RBM48: variants seen among roughly 807,000 people sequenced by gnomAD.
RBM48 encodes RNA binding motif protein 48.
Under a neutral mutation model 34.8 loss-of-function variants are expected in RBM48, and 32 were observed. That is an observed-to-expected ratio of 0.92 (90% CI 0.69 to 1.23). The LOEUF (loss-of-function observed/expected upper bound fraction) is 1.23, where lower values mean the gene tolerates loss of function less well. Among genes scored for constraint, RBM48 ranks in the 50% most tolerant of loss-of-function variants. The pLI, the probability that RBM48 is intolerant of heterozygous loss-of-function variation, is 0.00. For missense variants in RBM48, 441 were observed against 447.2 expected (o/e 0.99, Z 0.12); for synonymous variants, 151 against 156.2 (o/e 0.97, Z 0.25).
Position 92,534,623 on chromosome 7 carries a change from T to C in RBM48, c.670T>C (p.Ser224Pro). 6.2e-7 allele frequency: 1 copy of C among 1,614,144 alleles called. No individual in the cohort carries two copies. The highest frequency in any genetic ancestry group is 8.5e-7 in the Non-Finnish European group (1 of 1,180,020). The part of the protein sequence containing the change: ...SGGPVDRAPD[S>P]SKDGRNHHKT... ...GGGACCTGTAGACAGAGCACCAGAC[T>C]CCTCTAAGGATGGTAGAAACCATCA... Residue 224 changes from serine to proline, a missense_variant, in exon 4 of 5, where the codon TCC becomes CCC. By Grantham distance (74) the Ser-to-Pro change is moderately conservative (BLOSUM62 -1). Coordinates refer to ENST00000265732, the MANE Select transcript of RBM48 (RefSeq NM_032120.4).
chr7:92,532,162 T>C (rs946519572), intron 2 of RBM48, among the ~76,000 whole-genome samples: 37 of 152,044 alleles, frequency 2.4e-4, no homozygotes, highest in African/African-American at 8.9e-4. Context: ...CCTTAGTTGT[T>C]TAAAGACTAG....
chr7:92,535,628 A>G (rs1793692501), intron 4 of RBM48: 2 of 985,082 alleles, frequency 2.0e-6, no homozygotes, highest in South Asian at 4.7e-5. Flanking sequence ...ACTGTTACAA[A>G]TCATAAACTG....
chr7:92,533,898 T>G (rs971047543), intron 3 of RBM48, among the ~76,000 whole-genome samples: 2 of 151,760 alleles, frequency 1.3e-5, no homozygotes, highest in Non-Finnish European at 2.9e-5. Flanking sequence ...GCATATTGCT[T>G]TCTTTAGTGA....
rs1044827337 is a variant in RBM48 at position 92,538,095 on chromosome 7, A to G, written c.*1158A>G. The G allele has an allele frequency of 1.3e-5, 2 of 152,186 alleles. No individual in the cohort carries two copies. The highest frequency in any genetic ancestry group is 1.9e-4 in the East Asian group (1 of 5,202). The allele number at this position is 152,186 out of a possible 1,614,324, so 9.4% of individuals were successfully genotyped here. ...TGAACATACCAGTTAATAAGGTTCA[A>G]TTTCAGCTATGATGTACTTGTAGCA... is the stretch of plus-strand genomic sequence containing the variant. On this transcript the variant is annotated 3_prime_UTR_variant, in exon 5 of 5. Coordinates refer to ENST00000265732, the MANE Select transcript of RBM48 (RefSeq NM_032120.4).
rs554348991 is a variant in RBM48 at position 92,537,029 on chromosome 7, G to C, written c.*92G>C. The C allele has an allele frequency of 1.1e-6, 1 of 925,376 alleles. No individual in the cohort carries two copies. Among genetic ancestry groups the C allele is most frequent in the South Asian group, 1.8e-5 (1 of 55,740 alleles). 57.3% of individuals were successfully genotyped at this position (925,376 alleles called of 1,614,324 possible). ...AATTCTTCAAGAGATTTTACTGCTG[G>C]TATTTTTTAATGCACTCCTCTTTGT... On this transcript the variant is annotated 3_prime_UTR_variant, in exon 5 of 5. Coordinates refer to ENST00000265732, the MANE Select transcript of RBM48 (RefSeq NM_032120.4).
At chr7:92,532,617 T>G in intron 3 of RBM48, 68 bp downstream of exon 3, 10 of 1,164,092 alleles carry the variant, frequency 8.6e-6, no homozygotes, top group Non-Finnish European at 9.9e-6. Context: ...CATCATGCAA[T>G]TCCCAGTCTA....
At chr7:92,532,914 A>G (rs984059764) in intron 3 of RBM48, among the ~76,000 whole-genome samples, 1 of 152,220 alleles carries the variant, frequency 6.6e-6, no homozygotes, top group African/African-American at 2.4e-5. Context: ...CCAAAGCCCA[A>G]AGGTTTCAGT....
At position 92,538,204 on chromosome 7, in the gene RBM48, G is replaced by A. The variant is rs1024122568; in HGVS notation, c.*1267G>A. On this transcript the variant is annotated 3_prime_UTR_variant, in exon 5 of 5. Transcript: ENST00000265732. The stretch of plus-strand genomic sequence containing the variant: ...CGGCCAGGAGCGTCGGCAGACTTGT[G>A]TCTCAAGAACCGTGCTCCCTGAAGA... Among the ~76,000 whole-genome samples the A allele has an allele frequency of 2.6e-5, 4 of 152,190 alleles. No homozygotes were observed. The highest frequency in any genetic ancestry group is 7.2e-5 in the African/African-American group (3 of 41,438).
Position 92,534,494 on chromosome 7 carries a change from A to G in RBM48, c.541A>G (p.Lys181Glu), listed in dbSNP as rs776413118. Residue 181 changes from lysine (K) to glutamate (E), a missense_variant, in exon 4 of 5, where the codon AAA becomes GAA. Physicochemically the swap from Lys to Glu is moderately conservative, Grantham distance 56. Coordinates refer to ENST00000265732, the MANE Select transcript of RBM48 (RefSeq NM_032120.4). ...CCACTCAGAGATGTCTGGATTTTGT[A>G]AAGCTGCTTTGAACACTTCTGCAGG... ...DFHSEMSGFC[K>E]AALNTSAGNS... 49 of 1,614,046 alleles carry G rather than the reference A, an allele frequency of 3.0e-5. 1 individual carries two copies. The South Asian group carries it at 4.9e-4, about 16-fold the overall frequency.
chr7:92,534,163 T>C (rs1371428378), intron 3 of RBM48: 6 of 516,302 alleles, frequency 1.2e-5, no homozygotes, highest in South Asian at 4.2e-5. Context: ...TGATTACTTA[T>C]GGGGATGAAA....
At chr7:92,529,038 T>C in intron 1 of RBM48, 114 bp downstream of exon 1, 2 of 796,334 alleles carry the variant, frequency 2.5e-6, no homozygotes, top group Non-Finnish European at 2.1e-6. Context: ...GATCTGTCTC[T>C]CGTTAGAGCT....
chr7:92,529,499 T>G lies in RBM48; in HGVS notation c.135T>G (p.Ser45=). 6.2e-7 allele frequency: 1 copy of G among 1,605,540 alleles called. No individual in the cohort carries two copies. The highest frequency in any genetic ancestry group is 8.5e-7 in the Non-Finnish European group (1 of 1,174,750). The change falls in exon 2 of 5, where the codon TCT becomes TCG. Residue 45 remains serine (S), a synonymous_variant. Coordinates refer to ENST00000265732, the MANE Select transcript of RBM48 (RefSeq NM_032120.4). ...AVKVYTINLE[S]QYLLIQGVPA... ...AGGTATATACAATCAATTTGGAATCTCAGTACTTATTAATACAAGGAGTTC... is the reference window on the plus strand; with the variant it reads ...AGGTATATACAATCAATTTGGAATCGCAGTACTTATTAATACAAGGAGTTC...
intron 4 of RBM48, chr7:92,536,157 C>T (rs1793706881): frequency 2.0e-6 from 2 of 985,230 alleles, no homozygotes; most frequent in African/African-American, 3.5e-5. Flanking sequence ...GTTTGTGCTG[C>T]CACCCTTACT....
chr7:92,536,918 A>C lies in RBM48; in HGVS notation c.1085A>C (p.Lys362Thr). The change falls in exon 5 of 5, where the codon AAA becomes ACA. Residue 362 changes from lysine to threonine, a missense_variant. Coordinates refer to ENST00000265732, the MANE Select transcript of RBM48 (RefSeq NM_032120.4). ...GATGTACATACAAGTCATCCATTAAAACAAAGAAGAAGAATATAGAGTGCC... is the reference window on the plus strand; with the variant it reads ...GATGTACATACAAGTCATCCATTAACACAAAGAAGAAGAATATAGAGTGCC... Reference protein sequence around the residue: ...PEDVHTSHPLKQRRRI With the variant: ...PEDVHTSHPLTQRRRI 1 of 1,607,904 alleles carries C rather than the reference A, an allele frequency of 6.2e-7. No homozygotes were observed. Among genetic ancestry groups the C allele is most frequent in the African/African-American group, 1.3e-5 (1 of 74,736 alleles).
chr7:92,533,666 C>T (rs896020740), intron 3 of RBM48, among the ~76,000 whole-genome samples: 4 of 152,172 alleles, frequency 2.6e-5, no homozygotes, highest in Non-Finnish European at 4.4e-5. Context: ...CATTTGTATA[C>T]GTGGTCTTAC....
At chr7:92,535,573 A>G (rs893755264) in intron 4 of RBM48, 107 of 985,594 alleles carry the variant, frequency 1.1e-4, no homozygotes, top group Non-Finnish European at 1.2e-4. Context: ...TGAAGTTAAC[A>G]TCTGAGTTAG....
At chr7:92,530,455 A>G (rs1793541691) in intron 2 of RBM48, among the ~76,000 whole-genome samples, 1 of 151,184 alleles carries the variant, frequency 6.6e-6, no homozygotes, top group African/African-American at 2.4e-5. Flanking sequence ...AGATCATGCC[A>G]CTGCCCTCCA....
chr7:92,528,916 G>A lies in RBM48; in HGVS notation c.103G>A (p.Ala35Thr), dbSNP rs1460185088. ...AKYREGRRPRAVKVYTINLES... is the reference protein window; with the variant it reads ...AKYREGRRPRTVKVYTINLES... ...ATATCGAGAGGGACGACGGCCTCGT[G>A]CTGTGAAGGTAAAGTGATTTTGGTT... The change falls in exon 1 of 5, where the codon GCT becomes ACT. Residue 35 changes from alanine to threonine, a missense_variant. Coordinates refer to ENST00000265732, the MANE Select transcript of RBM48 (RefSeq NM_032120.4). 1.2e-6 allele frequency: 2 copies of A among 1,613,050 alleles called. No homozygotes were observed. Among genetic ancestry groups the A allele is most frequent in the Non-Finnish European group, 1.7e-6 (2 of 1,179,288 alleles).
rs913964778 is a variant in RBM48 at position 92,534,719 on chromosome 7, G to T, written c.766G>T (p.Val256Leu). The change falls in exon 4 of 5, where the codon GTG becomes TTG. Residue 256 changes from valine to leucine, a missense_variant. Coordinates refer to ENST00000265732, the MANE Select transcript of RBM48 (RefSeq NM_032120.4). ...ACAGATAAACTCTTTGAAAAACTCA[G>T]TGGCCTGCCCTGGTGCACAAAAGGC... ...KTQINSLKNSVACPGAQKAIT... is the reference protein window; with the variant it reads ...KTQINSLKNSLACPGAQKAIT... The T allele has an allele frequency of 2.6e-5, 42 of 1,614,054 alleles. No homozygotes were observed. Among genetic ancestry groups the T allele is most frequent in the Non-Finnish European group, 3.4e-5 (40 of 1,180,040 alleles).
Sources: allele counts gnomAD v4.1 joint callset (sites outside exome capture counted in the v4.1 genomes callset), GRCh38; gene constraint gnomAD v4.1.1; transcripts MANE v1.5; gene names NCBI Gene and HGNC (gene_info 2026-07-23, HGNC 2026-07-21).